MRC1: variants seen among roughly 807,000 people sequenced by gnomAD.
The protein encoded by MRC1 is mannose receptor C-type 1.
Under a neutral mutation model 102.9 loss-of-function variants are expected in MRC1, and 62 were observed. The ratio of observed to expected loss-of-function variants is 0.60; its 90% confidence interval spans 0.49 to 0.74. MRC1 has a LOEUF of 0.74. Among genes scored for constraint, MRC1 ranks in the 30% least tolerant of loss-of-function variants. MRC1 has a pLI of 0.00. For synonymous variants in MRC1, 457 were observed against 298.4 expected, an observed-to-expected ratio of 1.53 and a Z score of -5.48; for missense variants, 1,237 against 862.8, an observed-to-expected ratio of 1.43 and a Z score of -5.43.
chr10:17,884,039 T>C (rs1017885053), intron 21 of MRC1, among the ~76,000 whole-genome samples: 5 of 152,230 alleles, frequency 3.3e-5, no homozygotes, highest in African/African-American at 1.2e-4. Context: ...CAACCATGGC[T>C]GTCTGCAGCC....
chr10:17,881,915 T>A (rs932279342), intron 21 of MRC1, among the ~76,000 whole-genome samples: 2 of 132,190 alleles, frequency 1.5e-5, no homozygotes, highest in Admixed American at 1.7e-4. Flanking sequence ...AACTCCCATC[T>A]CAGCCTCCCA....
At chr10:17,906,143 G>A (rs1382166078) in intron 26 of MRC1, among the ~76,000 whole-genome samples, 2 of 151,764 alleles carry the variant, frequency 1.3e-5, no homozygotes, top group Non-Finnish European at 2.9e-5. Flanking sequence ...ACCATTCTTA[G>A]GTGAAGAATC....
rs1229389108 is a variant in MRC1 at position 17,910,418 on chromosome 10, A to G, written c.4324A>G (p.Lys1442Glu). ...GTCAAGCCCAGGAACTAGTGATATGAAAGATCTCGTGGGCAATATTGAACA... is the reference window on the plus strand; with the variant it reads ...GTCAAGCCCAGGAACTAGTGATATGGAAGATCTCGTGGGCAATATTGAACA... ...SQSSPGTSDMKDLVGNIEQNE... is the reference protein window; with the variant it reads ...SQSSPGTSDMEDLVGNIEQNE... The change falls in exon 30 of 30, where the codon AAA (lysine) becomes GAA (glutamate). Residue 1442 changes from lysine to glutamate, a missense_variant. Coordinates refer to ENST00000569591, the MANE Select transcript of MRC1 (RefSeq NM_002438.4). 1.8e-5 allele frequency: 14 copies of G among 780,760 alleles called. No homozygotes were observed. Among genetic ancestry groups the G allele is most frequent in the Non-Finnish European group, 3.3e-5 (14 of 417,966 alleles). 48.4% of individuals were successfully genotyped at this position (780,760 alleles called of 1,614,324 possible).
intron 8 of MRC1, among the ~76,000 whole-genome samples, chr10:17,854,097 C>A (rs1349423251): frequency 6.6e-6 from 1 of 152,082 alleles, no homozygotes; most frequent in Non-Finnish European, 1.5e-5. Context: ...ACTAAAGGTG[C>A]GTGCCACCAC....
At chr10:17,827,365 AAATACCC>A (rs1838492664) in intron 2 of MRC1, among the ~76,000 whole-genome samples, 170 bp from the exon 3 acceptor site, 3 of 113,780 alleles carry the variant, frequency 2.6e-5, no homozygotes, top group African/African-American at 1.1e-4. Flanking sequence ...GAAGGAAAAA[AAATACCC>A]AAAAAAAAAA....
chr10:17,888,954 C>T (rs949935134), intron 22 of MRC1, among the ~76,000 whole-genome samples: 8 of 151,964 alleles, frequency 5.3e-5, no homozygotes, highest in Non-Finnish European at 1.0e-4. Flanking sequence ...CTATTGTTAG[C>T]CACATACACA....
intron 3 of MRC1, among the ~76,000 whole-genome samples, chr10:17,833,273 C>A (rs1838607055): frequency 6.6e-6 from 1 of 152,008 alleles, no homozygotes; most frequent in African/African-American, 2.4e-5. Context: ...GTAATCCCAG[C>A]ACTTTGGGAA....
intron 4 of MRC1, among the ~76,000 whole-genome samples, chr10:17,836,949 T>G (rs1838674182): frequency 6.6e-6 from 1 of 152,104 alleles, no homozygotes; most frequent in Admixed American, 6.5e-5. Flanking sequence ...TGAATTTATT[T>G]GTGGGGTGTG....
chr10:17,843,884 T>C (rs1419211121), intron 5 of MRC1, among the ~76,000 whole-genome samples: 2 of 152,150 alleles, frequency 1.3e-5, no homozygotes, highest in African/African-American at 2.4e-5. Flanking sequence ...ACAGGTTACA[T>C]ACACATTGGA....
chr10:17,852,850 A>T, intron 7 of MRC1, 117 bp from the exon 8 acceptor site: 1 of 769,078 alleles, frequency 1.3e-6, no homozygotes. Flanking sequence ...CATGATGGTG[A>T]TCATATCAAG....
chr10:17,877,513 T>A (rs1833453376), intron 17 of MRC1, among the ~76,000 whole-genome samples: 1 of 151,340 alleles, frequency 6.6e-6, no homozygotes, highest in African/African-American at 2.4e-5. Context: ...ATATAACTGA[T>A]TATTCTTTTT....
At chr10:17,899,433 C>A (rs1358219523) in intron 24 of MRC1, among the ~76,000 whole-genome samples, 1 of 151,970 alleles carries the variant, frequency 6.6e-6, no homozygotes, top group East Asian at 1.9e-4. Context: ...TTCATTGTGG[C>A]AATATTTATG....
intron 1 of MRC1, among the ~76,000 whole-genome samples, chr10:17,820,489 TAAAG>T (rs1393145556): frequency 6.6e-6 from 1 of 152,226 alleles, no homozygotes; most frequent in Non-Finnish European, 1.5e-5. Context: ...TGTTCATGCA[TAAAG>T]ATTTTTGAAC....
At chr10:17,860,319 T>C (rs1833166009) in intron 9 of MRC1, among the ~76,000 whole-genome samples, 1 of 151,210 alleles carries the variant, frequency 6.6e-6, no homozygotes, top group Non-Finnish European at 1.5e-5. Context: ...TCACTCAGGC[T>C]CGAGTGTAGT....
At chr10:17,882,874 A>G (rs962438270) in intron 21 of MRC1, among the ~76,000 whole-genome samples, 19 of 152,320 alleles carry the variant, frequency 1.2e-4, no homozygotes, top group African/African-American at 4.3e-4. Context: ...CTTAACCACA[A>G]AGTGCTGATT....
intron 11 of MRC1, among the ~76,000 whole-genome samples, chr10:17,865,684 A>C (rs1205697500): frequency 1.3e-5 from 2 of 152,196 alleles, no homozygotes; most frequent in African/African-American, 4.8e-5. Flanking sequence ...GGGATGCCGC[A>C]GCCTCTGTAG....
In MRC1 at chr10:17,902,939, T is replaced by G. The variant is rs951301170; in HGVS notation, c.3799+817T>G. Among the ~76,000 whole-genome samples, 4 of 152,362 alleles carry G rather than the reference T, an allele frequency of 2.6e-5. 1 individual carries two copies. Among genetic ancestry groups the G allele is most frequent in the East Asian group, 1.9e-4 (1 of 5,190 alleles). On this transcript the variant is annotated intron_variant, in intron 26 of 29. Transcript: ENST00000569591. ...TAGGTACATATTCGTCTACACTCATTACATCTTCTTGATGTATTAAAAATT... is the reference window on the plus strand; with the variant it reads ...TAGGTACATATTCGTCTACACTCATGACATCTTCTTGATGTATTAAAAATT...
chr10:17,863,558 T>A lies in MRC1; in HGVS notation c.1659T>A (p.Ser553Arg). ...EDRYEQAFLT[S>R]FVGLRPEKYF... ...GATATGAACAAGCCTTCCTGACTAG[T>A]TTCGTTGGCTTAAGGCCTGAAAAAT... The change falls in exon 11 of 30, where the codon AGT becomes AGA. Residue 553 changes from serine to arginine, a missense_variant. Coordinates refer to ENST00000569591, the MANE Select transcript of MRC1 (RefSeq NM_002438.4). 1.3e-6 allele frequency: 1 copy of A among 780,912 alleles called. No individual in the cohort carries two copies. Among genetic ancestry groups the A allele is most frequent in the South Asian group, 1.3e-5 (1 of 74,620 alleles). 48.4% of individuals were successfully genotyped at this position (780,912 alleles called of 1,614,324 possible). A position where few individuals can be genotyped will look rare whatever the true frequency, so the allele number is the denominator to read the frequency against.
intron 1 of MRC1, among the ~76,000 whole-genome samples, chr10:17,816,626 G>A (rs1015638914): frequency 2.6e-5 from 4 of 152,194 alleles, no homozygotes; most frequent in Non-Finnish European, 5.9e-5. Context: ...GGCAAAAGGC[G>A]TGGTGCTGGC....
Sources: gnomAD v4.1 joint callset for allele counts (sites outside exome capture counted in the v4.1 genomes callset) on GRCh38, gnomAD v4.1.1 for gene constraint, MANE v1.5 for transcripts, NCBI Gene and HGNC (gene_info 2026-07-23, HGNC 2026-07-21) for gene names.